Variants in TMEM230 observed in about 807,000 individuals in gnomAD.
The protein encoded by TMEM230 is transmembrane protein 230.
Under a neutral mutation model 15.8 loss-of-function variants are expected in TMEM230, and 10 were observed. The ratio of observed to expected loss-of-function variants is 0.63; its 90% confidence interval spans 0.39 to 1.07. The LOEUF (loss-of-function observed/expected upper bound fraction) is 1.07. Ranked by LOEUF, TMEM230 falls within the 50% of genes least tolerant of loss-of-function variation. The pLI is 0.01. For synonymous variants in TMEM230, 67 were observed against 76.9 expected, an observed-to-expected ratio of 0.87 and a Z score of 0.68; for missense variants, 165 against 193.3, an observed-to-expected ratio of 0.85 and a Z score of 0.87.
intron 3 of TMEM230, among the ~76,000 whole-genome samples, chr20:5,092,880 A>G (rs569836112): frequency 1.4e-4 from 21 of 152,204 alleles, no homozygotes; most frequent in Non-Finnish European, 2.6e-4. Flanking sequence ...CTTGGAATTT[A>G]CCTTGCATGA....
At chr20:5,110,533 A>C (rs960400507) in intron 2 of TMEM230, among the ~76,000 whole-genome samples, 26 of 151,974 alleles carry the variant, frequency 1.7e-4, no homozygotes, top group African/African-American at 6.3e-4. Flanking sequence ...GTTCTGCCCA[A>C]CTCAGCCTTC....
chr20:5,108,107 C>T (rs2090165219), intron 3 of TMEM230, among the ~76,000 whole-genome samples: 1 of 151,750 alleles, frequency 6.6e-6, no homozygotes, highest in Non-Finnish European at 1.5e-5. Context: ...AGCAAGACTA[C>T]ATCTTAAAAA....
downstream of TMEM230, among the ~76,000 whole-genome samples, chr20:5,095,409 G>T (rs922114149): frequency 6.6e-6 from 1 of 152,040 alleles, no homozygotes; most frequent in African/African-American, 2.4e-5. Flanking sequence ...TCCTGCCACC[G>T]ACCTTCCTCA....
At chr20:5,072,780 C>T (rs906827506) in intron 3 of TMEM230, among the ~76,000 whole-genome samples, 4 of 129,540 alleles carry the variant, frequency 3.1e-5, no homozygotes, top group African/African-American at 8.8e-5. Flanking sequence ...ACCTGGGAGG[C>T]GGAGGTTGCA....
rs181277309 is a variant in TMEM230 at position 5,088,759 on chromosome 20, C to T, written c.222+17429G>A. ...AAACTCCTGAGCTCAAGAGATCCTC[C>T]CACCTCAGCCTCCCAAAGTGCTGAT... On this transcript the variant is annotated intron_variant, in intron 3 of 3. Transcript: ENST00000612323. 4.4e-3 allele frequency among the ~76,000 whole-genome samples: 671 copies of T among 152,270 alleles called. 2 individuals carry two copies. Among genetic ancestry groups the T allele is most frequent in the Admixed American group, 7.7e-3 (118 of 15,292 alleles).
At chr20:5,069,434 T>A in intron 3 of TMEM230, 1 of 1,395,242 alleles carries the variant, frequency 7.2e-7, no homozygotes, top group African/African-American at 1.4e-5. Flanking sequence ...AGAAATCACA[T>A]CTTATGCATT....
At chr20:5,095,883 T>C (rs1189097597), downstream of TMEM230, among the ~76,000 whole-genome samples, 3 of 151,992 alleles carry the variant, frequency 2.0e-5, no homozygotes, top group East Asian at 1.9e-4. Flanking sequence ...GGTGAAAAAA[T>C]AGAGGAAAAA....
downstream of TMEM230, among the ~76,000 whole-genome samples, chr20:5,095,751 A>G (rs1194937015): frequency 3.3e-5 from 5 of 152,184 alleles, no homozygotes; most frequent in Admixed American, 2.6e-4. Flanking sequence ...TCTTGCTACA[A>G]TGCAGATACC....
At chr20:5,101,464 C>T (rs918170722) in intron 4 of TMEM230, among the ~76,000 whole-genome samples, 16 of 151,964 alleles carry the variant, frequency 1.1e-4, no homozygotes, top group African/African-American at 3.6e-4. Context: ...CTCTGTTGCT[C>T]GGGCTGGAGT....
At chr20:5,106,120 C>CAT (rs2090078432) in intron 4 of TMEM230, 68 bp downstream of exon 3, 8 of 1,536,130 alleles carry the variant, frequency 5.2e-6, no homozygotes, top group Non-Finnish European at 6.1e-6. Context: ...CACACACACA[C>CAT]GCACACTAGA....
intron 3 of TMEM230, among the ~76,000 whole-genome samples, chr20:5,106,698 C>T (rs564837106): frequency 2.6e-4 from 40 of 152,084 alleles, no homozygotes; most frequent in African/African-American, 7.7e-4. Context: ...TGAGCCACCG[C>T]GCCCGGCCTA....
rs2090050355 is a variant in TMEM230, at chr20:5,105,747, A to G, written c.411+441T>C. On this transcript the variant is annotated intron_variant, in intron 4 of 4. Transcript: ENST00000342308. ...CCTACTATGTACCCATAAAAATTGG[A>G]AAAAAAATTGGCCAGGGGCAATGGT... Among the ~76,000 whole-genome samples the G allele has an allele frequency of 2.6e-5, 4 of 151,806 alleles. No individual in the cohort carries two copies. The South Asian group carries it at 8.3e-4, about 32-fold the overall frequency.
exon 4 of TMEM230, chr20:5,069,174 T>C (rs1256843879): frequency 2.6e-6 from 4 of 1,516,588 alleles, no homozygotes; most frequent in Non-Finnish European, 3.5e-6. Flanking sequence ...TATCTCAAAT[T>C]AGAGGCACCA....
chr20:5,109,036 C>G (rs1219638483), intron 3 of TMEM230: 1 of 190,758 alleles, frequency 5.2e-6, no homozygotes, highest in Non-Finnish European at 1.1e-5. Flanking sequence ...AAAAACTCCA[C>G]TTAACAAAAC....
downstream of TMEM230, among the ~76,000 whole-genome samples, chr20:5,097,635 T>C (rs965877561): frequency 6.6e-5 from 10 of 152,162 alleles, no homozygotes; most frequent in Non-Finnish European, 1.5e-4. Context: ...TTATAATTTT[T>C]TTTTGTTTTA....
At chr20:5,069,316 C>G (rs976339444) in exon 4 of TMEM230, 1 of 1,535,806 alleles carries the variant, frequency 6.5e-7, no homozygotes, top group South Asian at 1.2e-5. Context: ...TTGTGGTCAG[C>G]TTTCTTTTGT....
At chr20:5,104,754 G>A (rs1016750855) in intron 4 of TMEM230, among the ~76,000 whole-genome samples, 1 of 152,226 alleles carries the variant, frequency 6.6e-6, no homozygotes, top group Non-Finnish European at 1.5e-5. Context: ...GTTATGTTAA[G>A]TGAAATTAAG....
intron 3 of TMEM230, among the ~76,000 whole-genome samples, chr20:5,083,840 G>A (rs930808149): frequency 3.3e-5 from 5 of 152,318 alleles, no homozygotes; most frequent in Admixed American, 3.3e-4. Context: ...AAAATTTGGA[G>A]GCATAAGATC....
rs1311159834 is a variant in TMEM230, at chr20:5,069,223, C to T, written c.349G>A (p.Glu117Lys). ...GATGACACCTGTGTTCCTCTTCCTT[C>T]TGGAAGCCTTGAGCTGAGTCCTCCT... Residue 117 changes from glutamate to lysine, a missense_variant, in exon 4 of 4, where the codon GAA becomes AAA. Physicochemically the swap from Glu to Lys is moderately conservative, Grantham distance 56. Transcript: ENST00000612323. The T allele has an allele frequency of 5.9e-6, 9 of 1,535,844 alleles. No homozygotes were observed. The Admixed American group carries it at 1.8e-4, about 30-fold the overall frequency.
Sources: allele counts gnomAD v4.1 joint callset (sites outside exome capture counted in the v4.1 genomes callset), GRCh38; gene constraint gnomAD v4.1.1; transcripts MANE v1.5; gene names NCBI Gene and HGNC (gene_info 2026-07-23, HGNC 2026-07-21).